Variants in RSPH6A observed in about 807,000 individuals in gnomAD.
RSPH6A encodes the protein radial spoke head 6 homolog A, also known as radial spoke head protein 6 homolog A.
A neutral mutation model predicts 66.1 loss-of-function variants in RSPH6A; 49 were observed. The ratio of observed to expected loss-of-function variants is 0.74; its 90% CI spans 0.59 to 0.94. RSPH6A has a LOEUF of 0.94. RSPH6A is among the 40% of genes least tolerant of loss of function. RSPH6A has a pLI of 0.00. For synonymous variants in RSPH6A, 419 were observed against 402.4 expected, an observed-to-expected ratio of 1.04 and a Z score of -0.49; for missense variants, 977 against 948.3, an observed-to-expected ratio of 1.03 and a Z score of -0.40.
Position 45,804,917 on chromosome 19 carries a change from T to G in RSPH6A, c.988A>C (p.Met330Leu). The change falls in exon 3 of 6, where the codon ATG becomes CTG. Residue 330 changes from methionine (M) to leucine (L), a missense_variant. Coordinates refer to ENST00000221538, the MANE Select transcript of RSPH6A (RefSeq NM_030785.4). The surrounding 1 kb of genome is among the most constrained non-coding windows in gnomAD (Gnocchi z 5.8). Reference protein sequence around the residue: ...SDESFRIFLAMKQLVEQQPIH... With the variant: ...SDESFRIFLALKQLVEQQPIH... ...GGCTGCTGCTCCACCAGCTGTTTCA[T>G]GGCCAGGAAAATGCGGAAGCTCTCG... The G allele has an allele frequency of 6.2e-7, 1 of 1,614,232 alleles. No individual in the cohort carries two copies.
At chr19:45,800,923 G>A (rs186719784) in intron 4 of RSPH6A, among the ~76,000 whole-genome samples, 4 of 151,580 alleles carry the variant, frequency 2.6e-5, no homozygotes, top group Admixed American at 6.6e-5. Flanking sequence ...TCAACCTCCC[G>A]AGTAGCTGGG....
intron 5 of RSPH6A, 80 bp downstream of exon 5, chr19:45,800,366 C>G (rs2146281753): frequency 1.5e-6 from 2 of 1,291,434 alleles, no homozygotes; most frequent in African/African-American, 1.5e-5. Context: ...TCTGCCCACC[C>G]TGGCGAGTTG....
At chr19:45,800,244 T>C (rs1775868027) in intron 5 of RSPH6A, among the ~76,000 whole-genome samples, 2 of 152,294 alleles carry the variant, frequency 1.3e-5, no homozygotes, top group South Asian at 4.1e-4. Flanking sequence ...TCATGACTCA[T>C]CACCAAGACC....
Position 45,814,919 on chromosome 19 carries a change from C to A in RSPH6A, c.258G>T (p.Glu86Asp), listed in dbSNP as rs772927895. Reference protein sequence around the residue: ...QAEEARLGGMEYPSVNTGFPS... With the variant: ...QAEEARLGGMDYPSVNTGFPS... The stretch of plus-strand genomic sequence containing the variant: ...GAAAGCCCGTGTTCACAGATGGGTA[C>A]TCCATGCCACCCAGCCGGGCTTCCT... The change falls in exon 1 of 6, where the codon GAG becomes GAT. Residue 86 changes from glutamate (E) to aspartate (D), a missense_variant. Glu to Asp is a conservative substitution (Grantham distance 45). Coordinates refer to ENST00000221538, the MANE Select transcript of RSPH6A (RefSeq NM_030785.4). 1 of 1,614,150 alleles carries A rather than the reference C, an allele frequency of 6.2e-7. No individual in the cohort carries two copies. The highest frequency in any genetic ancestry group is 8.5e-7 in the Non-Finnish European group (1 of 1,180,042).
At chr19:45,811,898 G>C (rs191886464) in intron 1 of RSPH6A, among the ~76,000 whole-genome samples, 88 of 148,948 alleles carry the variant, frequency 5.9e-4, no homozygotes, top group African/African-American at 2.0e-3. Context: ...CTCCTGCCTC[G>C]GCCTCCTGAG....
chr19:45,813,432 C>T (rs752884242), intron 1 of RSPH6A, among the ~76,000 whole-genome samples: 1 of 152,104 alleles, frequency 6.6e-6, no homozygotes, highest in Non-Finnish European at 1.5e-5. Flanking sequence ...CAACCTCTGC[C>T]GCCCGGGTTC....
chr19:45,796,225 C>T, intron 5 of RSPH6A, 119 bp from the exon 6 acceptor site: 2 of 696,328 alleles, frequency 2.9e-6, no homozygotes, highest in Non-Finnish European at 4.4e-6. Context: ...GTGATCTCGA[C>T]TTACTGCAAC....
At chr19:45,807,753 T>A (rs12985355) in intron 2 of RSPH6A, among the ~76,000 whole-genome samples, 73,090 of 152,146 alleles carry the variant, frequency 0.48, 17,882 homozygotes, top group East Asian at 0.64. Flanking sequence ...TCAGGTGATC[T>A]GCCCGCTTTG....
chr19:45,802,893 C>T (rs1293883634), intron 3 of RSPH6A, among the ~76,000 whole-genome samples: 3 of 151,144 alleles, frequency 2.0e-5, no homozygotes, highest in East Asian at 4.0e-4. Flanking sequence ...CTGAAAGCTC[C>T]GCCTCCTGGG....
At chr19:45,797,103 G>A (rs1354635111) in intron 5 of RSPH6A, among the ~76,000 whole-genome samples, 2 of 151,180 alleles carry the variant, frequency 1.3e-5, no homozygotes, top group Non-Finnish European at 2.9e-5. Flanking sequence ...TAGGCTGGAC[G>A]CAGTGGCTCA....
chr19:45,804,959 C>T lies in RSPH6A; in HGVS notation c.946G>A (p.Val316Ile), dbSNP rs79712545. ...ETAFYFEQAG[V>I]GLSSDESFRI... The stretch of plus-strand genomic sequence containing the variant: ...AAGCTCTCGTCCGAGCTCAGGCCGA[C>T]GCCGGCCTGCTCGAAGTAGAAGGCA... The change falls in exon 3 of 6, where the codon GTC (valine) becomes ATC (isoleucine). Residue 316 changes from valine (V) to isoleucine (I), a missense_variant. Val to Ile is a conservative substitution (Grantham distance 29). Transcript: ENST00000221538. This position sits in a 1 kb window ranked among gnomAD's most constrained non-coding sequence, Gnocchi z 5.8. 3,084 of 1,614,020 alleles carry T rather than the reference C, an allele frequency of 1.9e-3. 60 individuals are homozygous for T. The African/African-American group carries it at 0.035, about 18-fold the overall frequency.
intron 2 of RSPH6A, among the ~76,000 whole-genome samples, chr19:45,808,125 T>C (rs1366344289): frequency 6.6e-6 from 1 of 152,212 alleles, no homozygotes; most frequent in East Asian, 1.9e-4. Flanking sequence ...ATCCTAAAGT[T>C]AGTCTAAAAT....
chr19:45,815,208 A>G lies in RSPH6A; in HGVS notation c.-32T>C. The G allele has an allele frequency of 6.5e-7, 1 of 1,541,300 alleles. No individual in the cohort carries two copies. The highest frequency in any genetic ancestry group is 1.2e-5 in the South Asian group (1 of 84,578). On this transcript the variant is annotated 5_prime_UTR_variant, in exon 1 of 6. Coordinates refer to ENST00000221538, the MANE Select transcript of RSPH6A (RefSeq NM_030785.4). ...CCAGGAGGCACAGATCTCTAGGAGA[A>G]AGGCTTGCAGACAAGGAGGCCAAGC...
intron 2 of RSPH6A, among the ~76,000 whole-genome samples, chr19:45,808,657 C>CTT (rs60697395): frequency 3.7e-4 from 39 of 104,202 alleles, no homozygotes; most frequent in Non-Finnish European, 6.1e-4. Context: ...CAAAACTTAT[C>CTT]TTTTTTTTTT....
In RSPH6A at chr19:45,810,840, C is replaced by A. The variant is rs767059757; in HGVS notation, c.651G>T (p.Leu217=). The change falls in exon 2 of 6, where the codon CTG becomes CTT. Residue 217 remains leucine, a splice_region_variant and synonymous_variant. Transcript: ENST00000221538. ...TCAGCAGATTCACCAGGTGCTCGTA[C>A]CTGCCTCCCGCAGGAGGAGTGGGAG... is the stretch of plus-strand genomic sequence containing the variant. The part of the protein sequence containing the change: ...LQTSINCDLS[L]YEHLVNLLTK... 6 of 1,604,992 alleles carry A rather than the reference C, an allele frequency of 3.7e-6. No individual in the cohort carries two copies. The highest frequency in any genetic ancestry group is 5.1e-6 in the Non-Finnish European group (6 of 1,173,126).
chr19:45,800,922 C>T (rs926860674), intron 4 of RSPH6A, among the ~76,000 whole-genome samples: 3 of 151,926 alleles, frequency 2.0e-5, no homozygotes, highest in Non-Finnish European at 4.4e-5. Context: ...CTCAACCTCC[C>T]GAGTAGCTGG....
rs1970645882 is a variant in RSPH6A at position 45,812,718 on chromosome 19, CAG to C, written c.650+1807_650+1808del. 2.0e-5 allele frequency among the ~76,000 whole-genome samples: 3 copies of C among 152,060 alleles called. No individual in the cohort carries two copies. In the South Asian group the frequency reaches 6.3e-4, roughly 32 times the overall value. On this transcript the variant is annotated intron_variant, in intron 1 of 5. Transcript: ENST00000221538. ...CTTTTGTTTGTTGGTTTGTTTGAGA[CAG>C]AGTCTCGCTCTGTTGCTCAGGCTGG... is the stretch of plus-strand genomic sequence containing the variant.
At chr19:45,796,520 G>A (rs1970410212) in intron 5 of RSPH6A, among the ~76,000 whole-genome samples, 1 of 151,850 alleles carries the variant, frequency 6.6e-6, no homozygotes, top group African/African-American at 2.4e-5. Context: ...TGGATGGCAG[G>A]GTGAAATGTG....
chr19:45,800,770 ACACACTCTCTCT>A (rs1970462677), intron 4 of RSPH6A, among the ~76,000 whole-genome samples: 1 of 84,290 alleles, frequency 1.2e-5, no homozygotes, highest in African/African-American at 3.7e-5. Context: ...ACACACACAC[ACACACTCTCTCT>A]CTCTCTCTCG....
Sources: gnomAD v4.1 joint callset for allele counts (sites outside exome capture counted in the v4.1 genomes callset) on GRCh38, gnomAD v4.1.1 for gene constraint, Gnocchi (gnomAD v3.1) non-coding constraint, MANE v1.5 for transcripts, NCBI Gene and HGNC (gene_info 2026-07-23, HGNC 2026-07-21) for gene names.